Variants in DLGAP2 observed in about 807,000 individuals in gnomAD.
The protein encoded by DLGAP2 is disks large-associated protein 2.
In DLGAP2, 26 loss-of-function variants were observed where a neutral mutation model predicts 100.3. The ratio of observed to expected loss-of-function variants is 0.26; its 90% confidence interval spans 0.19 to 0.36. The LOEUF (loss-of-function observed/expected upper bound fraction) is 0.36. DLGAP2 is among the 10% of genes least tolerant of loss of function. The pLI, the probability that DLGAP2 is intolerant of heterozygous loss-of-function variation, is 1.00. For synonymous variants in DLGAP2, 886 were observed against 630.1 expected, an observed-to-expected ratio of 1.41 and a Z score of -6.08; for missense variants, 1,858 against 1,453.2, an observed-to-expected ratio of 1.28 and a Z score of -4.53.
chr8:1,159,372 C>G (rs538111350), intron 2 of DLGAP2, among the ~76,000 whole-genome samples: 1 of 152,328 alleles, frequency 6.6e-6, no homozygotes, highest in East Asian at 1.9e-4. Flanking sequence ...AAATCGTTTA[C>G]TTTCAGGACT....
intron 4 of DLGAP2, among the ~76,000 whole-genome samples, chr8:1,507,924 A>G (rs562334128): frequency 2.0e-5 from 3 of 150,860 alleles, no homozygotes; most frequent in Non-Finnish European, 4.4e-5. Flanking sequence ...GTGACCACAC[A>G]TTTTAGGAGA....
intron 6 of DLGAP2, among the ~76,000 whole-genome samples, chr8:1,593,282 G>A (rs1414163863): frequency 2.6e-5 from 4 of 151,858 alleles, no homozygotes; most frequent in East Asian, 1.9e-4. Flanking sequence ...GTGCAACCCC[G>A]TCTCTACTAA....
At chr8:1,579,942 G>A (rs1413436296) in intron 6 of DLGAP2, among the ~76,000 whole-genome samples, 7 of 152,154 alleles carry the variant, frequency 4.6e-5, no homozygotes, top group Admixed American at 2.0e-4. Flanking sequence ...ACAGGCAGCC[G>A]CAGGGCAGCA....
chr8:855,496 C>G (rs775631709), intron 1 of DLGAP2, among the ~76,000 whole-genome samples: 1 of 152,100 alleles, frequency 6.6e-6, no homozygotes, highest in Admixed American at 6.5e-5. Context: ...CAAGAGAAAA[C>G]AATTTCAAGA....
At chr8:1,087,438 G>A (rs1038935710) in intron 2 of DLGAP2, among the ~76,000 whole-genome samples, 6 of 152,132 alleles carry the variant, frequency 3.9e-5, no homozygotes, top group African/African-American at 1.2e-4. Context: ...TCAAGGCTGT[G>A]AGCAGCATCA....
chr8:1,155,229 C>T (rs1485287006), intron 2 of DLGAP2, among the ~76,000 whole-genome samples: 1 of 152,208 alleles, frequency 6.6e-6, no homozygotes, highest in Non-Finnish European at 1.5e-5. Flanking sequence ...GATGAGTGAA[C>T]AGATGCGTGA....
chr8:1,110,230 C>CAT (rs1804907435), intron 2 of DLGAP2, among the ~76,000 whole-genome samples: 2 of 109,620 alleles, frequency 1.8e-5, no homozygotes, highest in Non-Finnish European at 3.5e-5. Context: ...GGGTCTGTGA[C>CAT]GTGTGCTGGA....
chr8:1,503,454 C>T (rs1313709808), intron 4 of DLGAP2, among the ~76,000 whole-genome samples: 1 of 152,066 alleles, frequency 6.6e-6, no homozygotes, highest in Non-Finnish European at 1.5e-5. Flanking sequence ...TGTCACACGC[C>T]CTTTCTGTTG....
intron 3 of DLGAP2, among the ~76,000 whole-genome samples, chr8:1,359,830 T>A (rs2129650366): frequency 6.6e-6 from 1 of 152,360 alleles, no homozygotes; most frequent in South Asian, 2.1e-4. Flanking sequence ...AGGGTTTCTG[T>A]CACTCTATAA....
At chr8:1,426,013 G>T (rs532956420) in intron 3 of DLGAP2, among the ~76,000 whole-genome samples, 1 of 152,230 alleles carries the variant, frequency 6.6e-6, no homozygotes, top group Non-Finnish European at 1.5e-5. Flanking sequence ...AGGTGAATGC[G>T]TGGGTGTGGG....
intron 2 of DLGAP2, among the ~76,000 whole-genome samples, chr8:1,212,122 G>A (rs551106323): frequency 6.6e-6 from 1 of 152,226 alleles, no homozygotes; most frequent in South Asian, 2.1e-4. Context: ...AGAGAATATC[G>A]AATGTGCAGA....
intron 2 of DLGAP2, among the ~76,000 whole-genome samples, chr8:1,131,107 T>C (rs1410527365): frequency 2.0e-5 from 3 of 152,150 alleles, no homozygotes; most frequent in African/African-American, 7.2e-5. Context: ...AAATATAAAA[T>C]GCACTCATTT....
At position 1,701,208 on chromosome 8, in the gene DLGAP2, T is replaced by C; in HGVS notation, c.2970T>C (p.Pro990=). ...TTCAGGAAGAAAGAAAGGTCCCGCC[T>C]CCAATACCAAAGAAGCCTCCCAAGG... ...PERKEERKVP[P]PIPKKPPKGK... The change falls in exon 15 of 15, where the codon CCT becomes CCC. Residue 990 remains proline (P), a synonymous_variant. Coordinates refer to ENST00000637795, the MANE Select transcript of DLGAP2 (RefSeq NM_001346810.2). 1 of 1,568,770 alleles carries C rather than the reference T, an allele frequency of 6.4e-7. No homozygotes were observed. Among genetic ancestry groups the C allele is most frequent in the Non-Finnish European group, 8.6e-7 (1 of 1,157,450 alleles).
At chr8:1,161,148 T>A (rs1387214151) in intron 2 of DLGAP2, among the ~76,000 whole-genome samples, 1 of 152,218 alleles carries the variant, frequency 6.6e-6, no homozygotes, top group African/African-American at 2.4e-5. Flanking sequence ...GGTCTTACAT[T>A]TATTAACAGT....
Position 903,439 on chromosome 8 carries a change from A to G in DLGAP2, c.19-4473A>G, listed in dbSNP as rs1798303627. The stretch of plus-strand genomic sequence containing the variant: ...TGTGCAAGGCCGTGTCCATAAAATC[A>G]GCCACAACAGGCCTGTGTATTTTTG... On this transcript the variant is annotated intron_variant, in intron 1 of 14. Coordinates refer to ENST00000637795, the MANE Select transcript of DLGAP2 (RefSeq NM_001346810.2). Among the ~76,000 whole-genome samples, 3 of 152,278 alleles carry G rather than the reference A, an allele frequency of 2.0e-5. No homozygotes were observed. In the South Asian group the frequency reaches 6.2e-4, roughly 32 times the overall value.
chr8:1,443,176 A>G (rs117389749), intron 3 of DLGAP2, among the ~76,000 whole-genome samples: 7,410 of 152,318 alleles, frequency 0.049, 266 homozygotes, highest in Non-Finnish European at 0.075. Context: ...CTTAGAAAAC[A>G]TAGATCAACA....
intron 2 of DLGAP2, among the ~76,000 whole-genome samples, chr8:1,191,544 T>C (rs368716387): frequency 6.6e-6 from 1 of 152,350 alleles, no homozygotes; most frequent in East Asian, 1.9e-4. Flanking sequence ...GAAAGTGTTA[T>C]CTCTTGAAAT....
intron 2 of DLGAP2, among the ~76,000 whole-genome samples, chr8:1,173,010 T>G (rs541825022): frequency 6.6e-6 from 1 of 152,188 alleles, no homozygotes; most frequent in East Asian, 1.9e-4. Flanking sequence ...ATCTTTGTGG[T>G]TTTATCTACT....
intron 3 of DLGAP2, among the ~76,000 whole-genome samples, chr8:1,275,867 T>TATATAATATATAA: frequency 9.8e-6 from 1 of 102,468 alleles, no homozygotes; most frequent in African/African-American, 3.8e-5. Flanking sequence ...TATATAAATA[T>TATATAATATATAA]ATATAATATA....
Sources: gnomAD v4.1 joint callset for allele counts (sites outside exome capture counted in the v4.1 genomes callset) on GRCh38, gnomAD v4.1.1 for gene constraint, MANE v1.5 for transcripts, NCBI Gene and HGNC (gene_info 2026-07-23, HGNC 2026-07-21) for gene names.